The following ZNF407 variants were observed in gnomAD, a reference collection of about 807,000 sequenced individuals.
The protein encoded by ZNF407 is zinc finger protein 407.
In ZNF407, 17 loss-of-function variants were observed where a neutral mutation model predicts 131.2. The ratio of observed to expected loss-of-function variants is 0.13; its 90% CI spans 0.09 to 0.19. The LOEUF (loss-of-function observed/expected upper bound fraction) is 0.19. ZNF407 is among the 10% of genes least tolerant of loss of function. The pLI, the probability that ZNF407 is intolerant of heterozygous loss-of-function variation, is 1.00. For missense variants in ZNF407, 2,681 were observed against 2,830.6 expected, an observed-to-expected ratio of 0.95 and a Z score of 1.20; for synonymous variants, 1,156 against 1,062.0, an observed-to-expected ratio of 1.09 and a Z score of -1.72.
At chr18:74,644,411 TTTAGAAAATAG>T (rs1339469333) in intron 3 of ZNF407, among the ~76,000 whole-genome samples, 1 of 151,900 alleles carries the variant, frequency 6.6e-6, no homozygotes, top group Non-Finnish European at 1.5e-5. Context: ...TAATTTTGTG[TTTAGAAAATAG>T]GCCAAATGCA....
chr18:74,890,589 A>G (rs1971370761), intron 7 of ZNF407, among the ~76,000 whole-genome samples: 1 of 152,218 alleles, frequency 6.6e-6, no homozygotes, highest in Non-Finnish European at 1.5e-5. Flanking sequence ...TAAGGAAACC[A>G]TTTTAATTAA....
intron 8 of ZNF407, among the ~76,000 whole-genome samples, chr18:74,996,356 G>A (rs562243745): frequency 1.4e-4 from 21 of 152,300 alleles, no homozygotes; most frequent in Admixed American, 1.2e-3. Context: ...TTTGAGAAAC[G>A]CTTATCACTT....
At chr18:74,628,988 T>C (rs1983929171) in intron 1 of ZNF407, among the ~76,000 whole-genome samples, 2 of 152,244 alleles carry the variant, frequency 1.3e-5, no homozygotes, top group African/African-American at 4.8e-5. Flanking sequence ...ACCTTTTGGC[T>C]GTTATGAATA....
chr18:74,716,855 C>T (rs892652608), intron 3 of ZNF407, among the ~76,000 whole-genome samples: 24 of 152,080 alleles, frequency 1.6e-4, no homozygotes, highest in Admixed American at 5.2e-4. Flanking sequence ...TTAAAATGAG[C>T]ATTACTGTCT....
At chr18:74,624,494 G>A (rs1054469243) in intron 1 of ZNF407, among the ~76,000 whole-genome samples, 4 of 152,124 alleles carry the variant, frequency 2.6e-5, no homozygotes, top group African/African-American at 9.7e-5. Context: ...GTTCTGGACC[G>A]TATTACTTAA....
At chr18:74,616,979 T>C (rs1599132790) in intron 1 of ZNF407, among the ~76,000 whole-genome samples, 2 of 111,386 alleles carry the variant, frequency 1.8e-5, no homozygotes, top group African/African-American at 3.6e-5. Context: ...ACCACACACA[T>C]CCATATCCAC....
chr18:74,896,171 G>T (rs1210905444), intron 7 of ZNF407, among the ~76,000 whole-genome samples: 2 of 152,112 alleles, frequency 1.3e-5, no homozygotes, highest in Non-Finnish European at 2.9e-5. Context: ...AAATGAAAAT[G>T]TCTAGAATTA....
intron 8 of ZNF407, among the ~76,000 whole-genome samples, chr18:75,049,108 G>GT (rs374911613): frequency 1.1e-5 from 1 of 91,734 alleles, no homozygotes; most frequent in African/African-American, 4.0e-5. Flanking sequence ...TGGGTGGGGG[G>GT]GGGGTGGGGG....
At chr18:74,782,626 T>C (rs1004929730) in intron 4 of ZNF407, among the ~76,000 whole-genome samples, 7 of 151,802 alleles carry the variant, frequency 4.6e-5, no homozygotes, top group African/African-American at 1.7e-4. Context: ...CTCCCCGTTC[T>C]CCCCTTCATT....
At chr18:75,001,363 G>A (rs1027313588) in intron 8 of ZNF407, among the ~76,000 whole-genome samples, 2 of 152,158 alleles carry the variant, frequency 1.3e-5, no homozygotes, top group African/African-American at 4.8e-5. Flanking sequence ...TTTATTTTGA[G>A]CCAGAAAGTT....
chr18:75,032,631 T>C (rs575776354), intron 8 of ZNF407, among the ~76,000 whole-genome samples: 13 of 152,248 alleles, frequency 8.5e-5, no homozygotes, highest in African/African-American at 2.9e-4. Flanking sequence ...GCATACTGGG[T>C]GTCCTCGCCA....
chr18:74,971,390 C>T (rs1972470477), intron 8 of ZNF407, among the ~76,000 whole-genome samples: 1 of 152,184 alleles, frequency 6.6e-6, no homozygotes, highest in African/African-American at 2.4e-5. Context: ...GCTCTGCTTC[C>T]CTTATAAAAC....
At chr18:74,848,745 T>A (rs1970736963) in intron 4 of ZNF407, among the ~76,000 whole-genome samples, 1 of 152,192 alleles carries the variant, frequency 6.6e-6, no homozygotes, top group South Asian at 2.1e-4. Flanking sequence ...TTGACATACT[T>A]TCATGTACCC....
chr18:74,712,165 T>C (rs764722588), intron 3 of ZNF407, among the ~76,000 whole-genome samples: 2 of 152,308 alleles, frequency 1.3e-5, no homozygotes, highest in South Asian at 2.1e-4. Context: ...GGACCTTGTC[T>C]TTGACAAGGT....
At chr18:74,865,215 C>T (rs1230817145) in intron 4 of ZNF407, among the ~76,000 whole-genome samples, 3 of 152,162 alleles carry the variant, frequency 2.0e-5, no homozygotes, top group Admixed American at 6.5e-5. Context: ...GAGGAGTTGT[C>T]ATTTGTGTGT....
intron 8 of ZNF407, among the ~76,000 whole-genome samples, chr18:75,029,523 G>A (rs550064897): frequency 6.6e-6 from 1 of 152,268 alleles, no homozygotes; most frequent in East Asian, 1.9e-4. Context: ...ATGCCACCCT[G>A]GGCATGGGAT....
At chr18:74,610,416 G>A (rs1244511646) in intron 1 of ZNF407, among the ~76,000 whole-genome samples, 1 of 152,116 alleles carries the variant, frequency 6.6e-6, no homozygotes, top group Non-Finnish European at 1.5e-5. Context: ...GTGCGTGCAT[G>A]CGTGCAAGCA....
intron 8 of ZNF407, among the ~76,000 whole-genome samples, chr18:75,022,169 A>G (rs1206824352): frequency 3.3e-5 from 5 of 152,192 alleles, no homozygotes. Flanking sequence ...TCAAAGTCAC[A>G]ATAAAAGATA....
At chr18:74,626,364 T>C (rs1048503725) in intron 1 of ZNF407, among the ~76,000 whole-genome samples, 10 of 152,206 alleles carry the variant, frequency 6.6e-5, no homozygotes, top group African/African-American at 2.4e-4. Flanking sequence ...ATCATTGATA[T>C]TTACACAAAA....
Sources: gnomAD v4.1 joint callset for allele counts (sites outside exome capture counted in the v4.1 genomes callset) on GRCh38, gnomAD v4.1.1 for gene constraint, MANE v1.5 for transcripts, NCBI Gene and HGNC (gene_info 2026-07-23, HGNC 2026-07-21) for gene names.